Variants in SH3RF3 observed in about 807,000 individuals in gnomAD.
SH3RF3 encodes E3 ubiquitin-protein ligase SH3RF3.
In SH3RF3, 29 loss-of-function variants were observed where a neutral mutation model predicts 66.3. The ratio of observed to expected loss-of-function variants is 0.44; its 90% CI spans 0.33 to 0.60. The LOEUF (loss-of-function observed/expected upper bound fraction) is 0.60, where lower values mean the gene tolerates loss of function less well. SH3RF3 is among the 20% of genes least tolerant of loss of function. The pLI, the probability that SH3RF3 is intolerant of heterozygous loss-of-function variation, is 0.04. For missense variants in SH3RF3, 1,194 were observed against 1,190.9 expected (o/e 1.00, Z -0.04); for synonymous variants, 583 against 532.0 (o/e 1.10, Z -1.32).
At chr2:109,211,641 T>C (rs575379731) in intron 1 of SH3RF3, among the ~76,000 whole-genome samples, 20 of 126,758 alleles carry the variant, frequency 1.6e-4, no homozygotes, top group Non-Finnish European at 3.0e-4. Flanking sequence ...CCTTCCTGCA[T>C]TTCTTTCTTT....
chr2:109,170,788 C>A (rs79499559), intron 1 of SH3RF3, among the ~76,000 whole-genome samples: 1 of 152,196 alleles, frequency 6.6e-6, no homozygotes, highest in African/African-American at 2.4e-5. Flanking sequence ...CTGTTTCTCT[C>A]AGGAAGCTGA....
rs562387669 is a variant in SH3RF3 at position 109,173,270 on chromosome 2, G to A, written c.573+43157G>A. Among the ~76,000 whole-genome samples, 196 of 152,272 alleles carry A rather than the reference G, an allele frequency of 1.3e-3. 1 individual carries two copies. The highest frequency in any genetic ancestry group is 4.6e-3 in the African/African-American group (192 of 41,556). ...AAGAATTGTCTGGCTCAGAACCTGG[G>A]ATTGAGATGAGAGGCTCCTGAGCCT... On this transcript the variant is annotated intron_variant, in intron 1 of 9. Transcript: ENST00000309415.
Position 109,468,855 on chromosome 2 carries a change from GAA to G in SH3RF3, c.2148+19386_2148+19387del, listed in dbSNP as rs397940375. ...GGCAACAAAGCAAGACTCTGTCTCA[GAA>G]AAAAAAAAAAAAAAAAAAAGTTAAA... On this transcript the variant is annotated intron_variant, in intron 8 of 9. Transcript: ENST00000309415. Among the ~76,000 whole-genome samples the G allele has an allele frequency of 1.9e-3, 120 of 64,840 alleles. 1 individual carries two copies. Among genetic ancestry groups the G allele is most frequent in the African/African-American group, 6.2e-3 (115 of 18,478 alleles). The allele number at this position is 64,840 out of a possible 152,430, so 42.5% of individuals were successfully genotyped here. A position where few individuals can be genotyped will look rare whatever the true frequency, so the allele number is the denominator to read the frequency against.
intron 7 of SH3RF3, among the ~76,000 whole-genome samples, chr2:109,438,744 A>G (rs370646015): frequency 1.1e-3 from 168 of 152,326 alleles, no homozygotes; most frequent in African/African-American, 3.9e-3. Flanking sequence ...CTGGGGATAC[A>G]GTCATTGCAG....
intron 1 of SH3RF3, among the ~76,000 whole-genome samples, chr2:109,280,042 A>G (rs1680846379): frequency 6.6e-6 from 1 of 152,162 alleles, no homozygotes; most frequent in Non-Finnish European, 1.5e-5. Flanking sequence ...TGGACTTCAG[A>G]ATGCCAGCCA....
In SH3RF3 at chr2:109,490,662, T is replaced by G; in HGVS notation, c.2206T>G (p.Ser736Ala). 6.6e-7 allele frequency: 1 copy of G among 1,508,746 alleles called. No individual in the cohort carries two copies. Among genetic ancestry groups the G allele is most frequent in the Admixed American group, 2.1e-5 (1 of 48,736 alleles). 93.5% of individuals were successfully genotyped at this position (1,508,746 alleles called of 1,614,324 possible). ...LLAGASTKKK[S>A]RSPPSVSPTH... ...AGCCGGAGCATCCACCAAGAAGAAGTCACGCTCCCCGCCATCTGTGTCTCC... is the reference window on the plus strand; with the variant it reads ...AGCCGGAGCATCCACCAAGAAGAAGGCACGCTCCCCGCCATCTGTGTCTCC... Residue 736 changes from serine (S) to alanine (A), a missense_variant, in exon 9 of 10, where the codon TCA becomes GCA. Transcript: ENST00000309415.
Position 109,432,678 on chromosome 2 carries a change from G to T in SH3RF3, c.1574+7G>T, listed in dbSNP as rs374454458. On this transcript the variant is annotated splice_region_variant and intron_variant, in intron 6 of 9. Transcript: ENST00000309415. Reference sequence around the variant, plus strand: ...ACGTGACACCCGTTTCCAGGTGAGGGCATGGTGGTGGCAGCCTGGGCAAGG... The same window carrying T: ...ACGTGACACCCGTTTCCAGGTGAGGTCATGGTGGTGGCAGCCTGGGCAAGG... 5.0e-6 allele frequency: 8 copies of T among 1,608,052 alleles called. No individual in the cohort carries two copies. Among genetic ancestry groups the T allele is most frequent in the East Asian group, 2.2e-5 (1 of 44,836 alleles).
intron 2 of SH3RF3, among the ~76,000 whole-genome samples, chr2:109,368,844 T>A (rs1422614080): frequency 7.2e-5 from 11 of 152,324 alleles, no homozygotes; most frequent in Admixed American, 7.2e-4. Context: ...ACAGCTCTGA[T>A]GTGTGGGAAG....
intron 1 of SH3RF3, among the ~76,000 whole-genome samples, chr2:109,258,548 A>G (rs1680274900): frequency 6.6e-6 from 1 of 152,122 alleles, no homozygotes; most frequent in South Asian, 2.1e-4. Context: ...GGGTGGTGCC[A>G]CCAATCCTTG....
At chr2:109,443,406 C>A (rs984937899) in intron 7 of SH3RF3, among the ~76,000 whole-genome samples, 3 of 152,212 alleles carry the variant, frequency 2.0e-5, no homozygotes, top group African/African-American at 7.2e-5. Context: ...CTTGTTCAAC[C>A]TCAGCTGGGA....
At chr2:109,389,501 T>A (rs1675922543) in intron 3 of SH3RF3, among the ~76,000 whole-genome samples, 1 of 152,136 alleles carries the variant, frequency 6.6e-6, no homozygotes, top group Admixed American at 6.5e-5. Context: ...ATGCCAATAT[T>A]TATTCTATTC....
chr2:109,349,792 T>C (rs934806527), intron 2 of SH3RF3, among the ~76,000 whole-genome samples: 1 of 152,232 alleles, frequency 6.6e-6, no homozygotes, highest in African/African-American at 2.4e-5. Flanking sequence ...AGTGACTGCC[T>C]GCCTTTCCTG....
chr2:109,462,497 C>T (rs777761533), intron 8 of SH3RF3, among the ~76,000 whole-genome samples: 10 of 152,204 alleles, frequency 6.6e-5, no homozygotes, highest in African/African-American at 1.9e-4. Flanking sequence ...TCTTCTGCAC[C>T]GGCCAAACAG....
At chr2:109,196,229 C>T (rs530031695) in intron 1 of SH3RF3, among the ~76,000 whole-genome samples, 5 of 152,270 alleles carry the variant, frequency 3.3e-5, no homozygotes, top group East Asian at 3.9e-4. Context: ...GTGTTTGGGA[C>T]GGCAGAGACT....
At chr2:109,186,501 G>A (rs559601070) in intron 1 of SH3RF3, among the ~76,000 whole-genome samples, 1 of 152,362 alleles carries the variant, frequency 6.6e-6, no homozygotes, top group South Asian at 2.1e-4. Context: ...ATGAAAGCAT[G>A]TAGGGCCAGT....
At chr2:109,482,427 C>T (rs767241069) in intron 8 of SH3RF3, among the ~76,000 whole-genome samples, 5 of 152,192 alleles carry the variant, frequency 3.3e-5, no homozygotes, top group African/African-American at 9.7e-5. Context: ...CCAAAGCTGT[C>T]GCAGCATCAC....
chr2:109,169,501 T>C (rs1677708110), intron 1 of SH3RF3, among the ~76,000 whole-genome samples: 1 of 152,090 alleles, frequency 6.6e-6, no homozygotes, highest in African/African-American at 2.4e-5. Flanking sequence ...TTATCTCTGC[T>C]CTGTGCTCTC....
At chr2:109,337,405 T>G (rs1682447786) in intron 1 of SH3RF3, among the ~76,000 whole-genome samples, 3 of 152,220 alleles carry the variant, frequency 2.0e-5, no homozygotes, top group Non-Finnish European at 4.4e-5. Context: ...TCCTCCTGTG[T>G]GTGGTGTCCT....
intron 4 of SH3RF3, among the ~76,000 whole-genome samples, chr2:109,415,044 C>T (rs1310096188): frequency 2.6e-5 from 4 of 152,166 alleles, no homozygotes; most frequent in Non-Finnish European, 4.4e-5. Flanking sequence ...AAGGGGATGG[C>T]GTGGTGGAAG....
Sources: allele counts gnomAD v4.1 joint callset (sites outside exome capture counted in the v4.1 genomes callset), GRCh38; gene constraint gnomAD v4.1.1; transcripts MANE v1.5; gene names NCBI Gene and HGNC (gene_info 2026-07-23, HGNC 2026-07-21).